Variants in ZNF883 observed in about 807,000 individuals in gnomAD.
ZNF883 encodes zinc finger protein 883.
upstream of ZNF883, among the ~76,000 whole-genome samples, chr9:113,000,286 A>C (rs529721851): frequency 6.6e-6 from 1 of 152,318 alleles, no homozygotes; most frequent in South Asian, 2.1e-4. Flanking sequence ...AGAGGCAAAA[A>C]ACCAGAAAAG....
chr9:113,007,125 C>T (rs963315069), intron 2 of ZNF883, among the ~76,000 whole-genome samples: 2 of 152,090 alleles, frequency 1.3e-5, no homozygotes, highest in East Asian at 1.9e-4. Flanking sequence ...AACTGGGAGG[C>T]GGAGGTTGCA....
chr9:113,003,806 A>G (rs1008009486), intron 2 of ZNF883, among the ~76,000 whole-genome samples: 11 of 152,220 alleles, frequency 7.2e-5, no homozygotes, highest in African/African-American at 2.2e-4. Context: ...AGCAGAAACA[A>G]TAAGACTGCT....
At chr9:112,995,327 C>T (rs1209406509), downstream of ZNF883, among the ~76,000 whole-genome samples, 2 of 152,066 alleles carry the variant, frequency 1.3e-5, no homozygotes, top group South Asian at 2.1e-4. Flanking sequence ...AGACTCAGGC[C>T]CTCAAACTCA....
At chr9:113,009,983 ATTTTCAACTT>A (rs1828516590) in intron 2 of ZNF883, among the ~76,000 whole-genome samples, 2 of 152,166 alleles carry the variant, frequency 1.3e-5, no homozygotes, top group Admixed American at 1.3e-4. Context: ...TTGAATTAAT[ATTTTCAACTT>A]ACACATTTAC....
At chr9:112,989,664 A>G (rs1160155637) in intron 1 of ZNF883, among the ~76,000 whole-genome samples, 4 of 152,120 alleles carry the variant, frequency 2.6e-5, no homozygotes, top group African/African-American at 4.8e-5. Flanking sequence ...AAGAATGTCA[A>G]TGGTAGTTTA....
chr9:113,001,089 G>T (rs1352975701), upstream of ZNF883, among the ~76,000 whole-genome samples: 1 of 152,068 alleles, frequency 6.6e-6, no homozygotes, highest in Non-Finnish European at 1.5e-5. Context: ...AGAACAGGTT[G>T]CTATAAAGAA....
At chr9:112,996,975 CCTT>C (rs1245447945), downstream of ZNF883, 29 of 688,600 alleles carry the variant, frequency 4.2e-5, no homozygotes, top group African/African-American at 3.4e-4. Context: ...TAAGCATAGT[CCTT>C]CTTCTCAGTA....
At chr9:113,011,273 G>A (rs1828535782) in intron 1 of ZNF883, 46 bp from the exon 2 acceptor site, 1 of 152,136 alleles carries the variant, frequency 6.6e-6, no homozygotes, top group African/African-American at 2.4e-5. Flanking sequence ...GTCTTTATGA[G>A]AAGCCTGTCT....
At chr9:113,011,625 T>G (rs1828540204) in intron 1 of ZNF883, among the ~76,000 whole-genome samples, 2 of 152,040 alleles carry the variant, frequency 1.3e-5, no homozygotes, top group South Asian at 4.2e-4. Flanking sequence ...CTTCAGAAAT[T>G]TACCAGTAAA....
chr9:112,994,307 G>GTGCTTTTCCTCACTCTCCA (rs1249316663), downstream of ZNF883, among the ~76,000 whole-genome samples: 102 of 151,820 alleles, frequency 6.7e-4, no homozygotes, highest in Middle Eastern at 6.8e-3. Flanking sequence ...CTCACTCTCC[G>GTGCTTTTCCTCACTCTCCA]TGCTTTTCCT....
downstream of ZNF883, among the ~76,000 whole-genome samples, chr9:112,993,644 A>AG (rs1187600720): frequency 6.6e-6 from 1 of 152,206 alleles, no homozygotes; most frequent in Non-Finnish European, 1.5e-5. Flanking sequence ...CAGAGCCAGC[A>AG]GGGGGAAAAG....
intron 2 of ZNF883, among the ~76,000 whole-genome samples, chr9:113,010,827 A>T (rs1255600502): frequency 6.6e-6 from 1 of 152,012 alleles, no homozygotes; most frequent in African/African-American, 2.4e-5. Flanking sequence ...CTCTACTAAA[A>T]ATACAAAAAT....
At chr9:112,998,057 G>A in exon 1 of ZNF883, 2 of 1,613,946 alleles carry the variant, frequency 1.2e-6, no homozygotes, top group South Asian at 1.1e-5. Context: ...ACATTCATAA[G>A]GTTTCTCTCC....
chr9:113,009,634 C>T (rs995519674), intron 2 of ZNF883, among the ~76,000 whole-genome samples: 2 of 152,098 alleles, frequency 1.3e-5, no homozygotes, highest in Non-Finnish European at 2.9e-5. Flanking sequence ...CTCAGCCTCC[C>T]GAGTAGCTGG....
downstream of ZNF883, among the ~76,000 whole-genome samples, chr9:112,995,648 TAA>T (rs1047163438): frequency 6.6e-6 from 1 of 152,030 alleles, no homozygotes; most frequent in East Asian, 1.9e-4. Context: ...TTTCTAACTT[TAA>T]AAAAAGTCAC....
chr9:113,007,605 T>A (rs1828491027), intron 2 of ZNF883, among the ~76,000 whole-genome samples: 1 of 152,190 alleles, frequency 6.6e-6, no homozygotes, highest in South Asian at 2.1e-4. Context: ...TCCTTTCTCT[T>A]TCAAGGCTGA....
downstream of ZNF883, among the ~76,000 whole-genome samples, chr9:112,996,789 TCAAAAAAAAAAAAAAAAAAAA>T (rs1170260147): frequency 2.1e-4 from 6 of 28,302 alleles, no homozygotes; most frequent in East Asian, 3.3e-3. Context: ...AGACTCCGTC[TCAAAAAAAAAAAAAAAAAAAA>T]AAAAAAAAAA....
chr9:113,005,384 A>G (rs1828464372), intron 2 of ZNF883, among the ~76,000 whole-genome samples: 1 of 152,332 alleles, frequency 6.6e-6, no homozygotes, highest in East Asian at 1.9e-4. Flanking sequence ...GAAATTCACA[A>G]AAGAAATACA....
chr9:112,995,673 AATTTT>A (rs1428388448), downstream of ZNF883, among the ~76,000 whole-genome samples: 2 of 150,858 alleles, frequency 1.3e-5, no homozygotes, highest in Non-Finnish European at 2.9e-5. Flanking sequence ...ATGTATATAG[AATTTT>A]ATTAAATGAT....
Sources: gnomAD v4.1 joint callset for allele counts (sites outside exome capture counted in the v4.1 genomes callset) on GRCh38, gnomAD v4.1.1 for gene constraint, MANE v1.5 for transcripts, NCBI Gene and HGNC (gene_info 2026-07-23, HGNC 2026-07-21) for gene names.